The following INPP5A variants were observed in gnomAD, a reference collection of about 807,000 sequenced individuals.
INPP5A encodes the protein inositol polyphosphate-5-phosphatase A.
INPP5A carries 14 observed loss-of-function variants against 65.2 expected under a neutral mutation model. That is an observed-to-expected ratio of 0.21 (90% CI 0.14 to 0.34). INPP5A has a LOEUF of 0.34. INPP5A is among the 10% of genes least tolerant of loss of function. The pLI, the probability that INPP5A is intolerant of heterozygous loss-of-function variation, is 1.00. For missense variants in INPP5A, 431 were observed against 545.6 expected (o/e 0.79, Z 2.09); for synonymous variants, 207 against 208.3 (o/e 0.99, Z 0.05).
chr10:132,781,332 G>A (rs1015419511), intron 14 of INPP5A, among the ~76,000 whole-genome samples: 25 of 152,356 alleles, frequency 1.6e-4, no homozygotes, highest in Admixed American at 1.4e-3. Context: ...TCCCCACCGT[G>A]TGCCAAGGGG....
intron 8 of INPP5A, among the ~76,000 whole-genome samples, chr10:132,720,206 T>A (rs2134561516): frequency 1.3e-5 from 2 of 151,500 alleles, no homozygotes; most frequent in South Asian, 4.2e-4. Flanking sequence ...TTGTGGGTTC[T>A]GTGGCACCTG....
chr10:132,557,138 C>T (rs888083261), intron 1 of INPP5A, among the ~76,000 whole-genome samples: 1 of 152,222 alleles, frequency 6.6e-6, no homozygotes, highest in East Asian at 1.9e-4. Context: ...CCGACGGGCC[C>T]GGCTTTCTGG....
intron 4 of INPP5A, among the ~76,000 whole-genome samples, chr10:132,669,873 G>A (rs572756643): frequency 2.6e-4 from 39 of 152,108 alleles, no homozygotes; most frequent in African/African-American, 8.7e-4. Context: ...GCCAGGACCC[G>A]CTGGTGACTG....
intron 12 of INPP5A, among the ~76,000 whole-genome samples, chr10:132,773,348 G>C (rs1270043705): frequency 6.6e-6 from 1 of 152,178 alleles, no homozygotes; most frequent in Non-Finnish European, 1.5e-5. Context: ...AACAATTACT[G>C]AGCAAGATCG....
intron 1 of INPP5A, among the ~76,000 whole-genome samples, chr10:132,593,450 A>C (rs574597081): frequency 6.6e-6 from 1 of 152,270 alleles, no homozygotes; most frequent in African/African-American, 2.4e-5. Context: ...TTCCTTTCCT[A>C]TGTACATCCG....
chr10:132,763,864 C>T (rs565285613), intron 11 of INPP5A, among the ~76,000 whole-genome samples: 19 of 152,228 alleles, frequency 1.2e-4, no homozygotes, highest in Non-Finnish European at 2.4e-4. Context: ...CATGCATAAA[C>T]GTGCCTGCAT....
intron 12 of INPP5A, among the ~76,000 whole-genome samples, chr10:132,768,367 C>G (rs1846890355): frequency 6.6e-6 from 1 of 151,880 alleles, no homozygotes; most frequent in South Asian, 2.1e-4. Context: ...CTCAGCGTTC[C>G]CAGGTGCTCA....
intron 2 of INPP5A, among the ~76,000 whole-genome samples, chr10:132,620,704 T>C (rs760911495): frequency 5.3e-5 from 8 of 152,334 alleles, no homozygotes; most frequent in Non-Finnish European, 8.8e-5. Context: ...AATAGTCCTA[T>C]ATCTATTCAA....
intron 1 of INPP5A, among the ~76,000 whole-genome samples, chr10:132,591,342 G>A (rs2071616460): frequency 6.6e-6 from 1 of 151,326 alleles, no homozygotes; most frequent in Non-Finnish European, 1.5e-5. Context: ...GAATCACCTT[G>A]TCTGGTTTGG....
intron 5 of INPP5A, among the ~76,000 whole-genome samples, chr10:132,692,809 G>A (rs79485893): frequency 0.022 from 3,392 of 152,258 alleles, 55 homozygotes; most frequent in South Asian, 0.038. Context: ...GCTCTTCAAC[G>A]GAAGGAAATA....
chr10:132,595,705 G>A (rs1309352045), intron 1 of INPP5A, among the ~76,000 whole-genome samples: 2 of 152,016 alleles, frequency 1.3e-5, no homozygotes, highest in African/African-American at 4.8e-5. Flanking sequence ...CTTTCCTTCC[G>A]TGGACGCCCT....
At position 132,551,780 on chromosome 10, in the gene INPP5A, G is replaced by T. The variant is rs1182410492; in HGVS notation, c.75+13609G>T. 6.6e-6 allele frequency among the ~76,000 whole-genome samples: 1 copy of T among 152,172 alleles called. No homozygotes were observed. The highest frequency in any genetic ancestry group is 1.5e-5 in the Non-Finnish European group (1 of 68,030). ...GCTAGGGAACAGAGGCAGGACCCAG[G>T]GGGACAGAGGCAGGACTGACCAAGA... On this transcript the variant is annotated intron_variant, in intron 1 of 15. Transcript: ENST00000368594. The surrounding 1 kb of genome is among the most constrained non-coding windows in gnomAD (Gnocchi z 5.3).
intron 4 of INPP5A, among the ~76,000 whole-genome samples, chr10:132,660,852 T>C (rs1229385753): frequency 1.3e-5 from 2 of 152,206 alleles, no homozygotes; most frequent in Non-Finnish European, 1.5e-5. Flanking sequence ...TAAATTCTTA[T>C]TGAAGTAAAT....
intron 8 of INPP5A, 36 bp from the exon 9 acceptor site, chr10:132,726,785 A>G: frequency 6.6e-7 from 1 of 1,509,906 alleles, no homozygotes; most frequent in Non-Finnish European, 9.1e-7. Context: ...GGCCGGCTTC[A>G]GCGCCCTCGG....
chr10:132,599,298 A>G (rs1297591604), intron 1 of INPP5A, among the ~76,000 whole-genome samples: 1 of 152,228 alleles, frequency 6.6e-6, no homozygotes, highest in Non-Finnish European at 1.5e-5. Context: ...AGCCGTTCCA[A>G]ATGGGAGAAA....
chr10:132,666,708 T>G (rs1370293212), intron 4 of INPP5A, among the ~76,000 whole-genome samples: 1 of 152,216 alleles, frequency 6.6e-6, no homozygotes, highest in African/African-American at 2.4e-5. Flanking sequence ...ATCTTGAAAT[T>G]AATGTTTGGT....
At position 132,660,408 on chromosome 10, in the gene INPP5A, C is replaced by CGT. The variant is rs149638166; in HGVS notation, c.306+9916_306+9917dup. 5.5e-4 allele frequency among the ~76,000 whole-genome samples: 83 copies of CGT among 151,872 alleles called. 1 individual carries two copies. In the South Asian group the frequency reaches 0.011, roughly 20 times the overall value. ...TTTTCATAGTGTGCCTTGCAGAACTCGTGTGTGTGTGTGTTACTAGCTTTT... is the reference window on the plus strand; with the variant it reads ...TTTTCATAGTGTGCCTTGCAGAACTCGTGTGTGTGTGTGTGTTACTAGCTTTT... On this transcript the variant is annotated intron_variant, in intron 4 of 15. Coordinates refer to ENST00000368594, the MANE Select transcript of INPP5A (RefSeq NM_005539.5).
intron 1 of INPP5A, among the ~76,000 whole-genome samples, chr10:132,602,745 G>A (rs761558011): frequency 1.3e-5 from 2 of 152,228 alleles, no homozygotes; most frequent in South Asian, 2.1e-4. Context: ...GGGCCTACCA[G>A]TGCAGTGTTG....
rs575108321 is a variant in INPP5A at position 132,782,070 on chromosome 10, G to C, written c.*41G>C. ...TGCCAGCGCCACGAGAGGACACTTCGTGAGCCTCCCTGTAGCCGTGGACCG... is the reference window on the plus strand; with the variant it reads ...TGCCAGCGCCACGAGAGGACACTTCCTGAGCCTCCCTGTAGCCGTGGACCG... On this transcript the variant is annotated 3_prime_UTR_variant, in exon 16 of 16. Transcript: ENST00000368594. The surrounding 1 kb of genome is among the most constrained non-coding windows in gnomAD (Gnocchi z 4.4). The C allele has an allele frequency of 3.2e-6, 5 of 1,555,512 alleles. No individual in the cohort carries two copies. The highest frequency in any genetic ancestry group is 2.7e-5 in the African/African-American group (2 of 73,610).
Sources: allele counts gnomAD v4.1 joint callset (sites outside exome capture counted in the v4.1 genomes callset), GRCh38; gene constraint gnomAD v4.1.1; non-coding constraint Gnocchi (gnomAD v3.1); transcripts MANE v1.5; gene names NCBI Gene and HGNC (gene_info 2026-07-23, HGNC 2026-07-21).